LTBP3: variants seen among roughly 807,000 people sequenced by gnomAD.
The protein encoded by LTBP3 is latent-transforming growth factor beta-binding protein 3.
Under a neutral mutation model 159.7 loss-of-function variants are expected in LTBP3, and 97 were observed. The ratio of observed to expected loss-of-function variants is 0.61; its 90% CI spans 0.52 to 0.72. The LOEUF (loss-of-function observed/expected upper bound fraction) is 0.72, where lower values mean the gene tolerates loss of function less well. Among genes scored for constraint, LTBP3 ranks in the 30% least tolerant of loss-of-function variants. The pLI is 0.00. For synonymous variants in LTBP3, 824 were observed against 777.1 expected (o/e 1.06, Z -1.00); for missense variants, 1,584 against 1,864.3 (o/e 0.85, Z 2.77).
At chr11:65,540,682 C>T in intron 21 of LTBP3, 68 bp from the exon 22 acceptor site, 3 of 1,515,666 alleles carry the variant, frequency 2.0e-6, no homozygotes, top group South Asian at 1.2e-5. Context: ...GCTGGGCGCA[C>T]CACCGGAGCG....
chr11:65,553,894 G>C lies in LTBP3; in HGVS notation c.671C>G (p.Pro224Arg), dbSNP rs889173987. 1 of 1,547,652 alleles carries C rather than the reference G, an allele frequency of 6.5e-7. No individual in the cohort carries two copies. The highest frequency in any genetic ancestry group is 8.7e-7 in the Non-Finnish European group (1 of 1,152,290). Reference sequence around the variant, plus strand: ...GACGCGCACATTCACCACGGGGGGCGGGGCCTGCACTGGGGGCGGGCGCGG... The same window carrying C: ...GACGCGCACATTCACCACGGGGGGCCGGGCCTGCACTGGGGGCGGGCGCGG... ...PGQISAEVQA[P>R]PPVVNVRVHH... Residue 224 changes from proline to arginine, a missense_variant, in exon 3 of 28, where the codon CCG becomes CGG. Transcript: ENST00000301873. The surrounding 1 kb of genome is among the most constrained non-coding windows in gnomAD (Gnocchi z 6.5).
chr11:65,557,857 G>A lies in LTBP3; in HGVS notation c.103C>T (p.Leu35=). The change falls in exon 1 of 28, where the codon CTG becomes TTG. Residue 35 remains leucine, a synonymous_variant. Transcript: ENST00000301873. ...CCCTCGACCCTGCCGCCCAGGCCCA[G>A]CAGCAGCAGCAGCAGCAGCAGCAGC... ...ALLLLLLLLL[L]GLGGRVEGGP... The A allele has an allele frequency of 6.9e-6, 6 of 865,820 alleles. No homozygotes were observed. Among genetic ancestry groups the A allele is most frequent in the Non-Finnish European group, 8.9e-6 (6 of 673,554 alleles). The allele number at this position is 865,820 out of a possible 1,614,324, so 53.6% of individuals were successfully genotyped here.
In LTBP3 at chr11:65,552,740, G is replaced by T; in HGVS notation, c.1186+120C>A. Reference sequence around the variant, plus strand: ...ACCCTGCTGATCCCTGATCCTATTGGCTCTGGGCCTTGTTCCTCCTGCAGT... The same window carrying T: ...ACCCTGCTGATCCCTGATCCTATTGTCTCTGGGCCTTGTTCCTCCTGCAGT... On this transcript the variant is annotated intron_variant, in intron 6 of 27. Transcript: ENST00000301873. This position sits in a 1 kb window ranked among gnomAD's most constrained non-coding sequence, Gnocchi z 6.0. 3 of 1,439,810 alleles carry T rather than the reference G, an allele frequency of 2.1e-6. No individual in the cohort carries two copies. The highest frequency in any genetic ancestry group is 1.2e-5 in the South Asian group (1 of 85,396). 89.2% of individuals were successfully genotyped at this position (1,439,810 alleles called of 1,614,324 possible).
chr11:65,558,122 G>C lies in LTBP3; in HGVS notation c.-163C>G. On this transcript the variant is annotated 5_prime_UTR_variant, in exon 1 of 28. Coordinates refer to ENST00000301873, the MANE Select transcript of LTBP3 (RefSeq NM_001130144.3). ...GGGGACCGCGGGGGCCCGGCGGGAG[G>C]CGCGGAGATGCAGACTGGACAGCGG... 9.2e-7 allele frequency: 1 copy of C among 1,081,102 alleles called. No individual in the cohort carries two copies. Among genetic ancestry groups the C allele is most frequent in the Non-Finnish European group, 1.1e-6 (1 of 890,668 alleles). The allele number at this position is 1,081,102 out of a possible 1,614,324, so 67.0% of individuals were successfully genotyped here.
chr11:65,542,192 C>T (rs143950850), intron 18 of LTBP3, among the ~76,000 whole-genome samples: 5 of 152,170 alleles, frequency 3.3e-5, no homozygotes, highest in Non-Finnish European at 1.5e-5. Context: ...CTCCTACTTA[C>T]GTTTCAGTCC....
At position 65,551,383 on chromosome 11, in the gene LTBP3, C is replaced by T; in HGVS notation, c.1621+19G>A. 6.2e-7 allele frequency: 1 copy of T among 1,611,212 alleles called. No homozygotes were observed. The highest frequency in any genetic ancestry group is 8.5e-7 in the Non-Finnish European group (1 of 1,179,866). ...GTGATTTAGCCCTTGAGGACTCATC[C>T]CTACAGTGCCCAGCTCACCGGGGTA... On this transcript the variant is annotated intron_variant, in intron 10 of 27. Transcript: ENST00000301873.
rs909347358 is a variant in LTBP3 at position 65,547,056 on chromosome 11, C to G, written c.2108-136G>C. On this transcript the variant is annotated intron_variant, in intron 14 of 27. Transcript: ENST00000301873. This position sits in a 1 kb window ranked among gnomAD's most constrained non-coding sequence, Gnocchi z 4.6. Reference sequence around the variant, plus strand: ...CCCCAACCTCTGAGAGGCCCAGAGCCGAGCATACAGGCCGGGTGCGGTGGC... The same window carrying G: ...CCCCAACCTCTGAGAGGCCCAGAGCGGAGCATACAGGCCGGGTGCGGTGGC... 6 of 1,301,260 alleles carry G rather than the reference C, an allele frequency of 4.6e-6. No homozygotes were observed. The African/African-American group carries it at 8.8e-5, about 19-fold the overall frequency. 80.6% of individuals were successfully genotyped at this position (1,301,260 alleles called of 1,614,324 possible). A position where few individuals can be genotyped will look rare whatever the true frequency, so the allele number is the denominator to read the frequency against.
chr11:65,540,740 G>GGGGCCTACAGGGCA, intron 21 of LTBP3, 126 bp from the exon 22 acceptor site: 1 of 1,508,946 alleles, frequency 6.6e-7, no homozygotes, highest in Non-Finnish European at 9.1e-7. Flanking sequence ...CCTACAGGGC[G>GGGGCCTACAGGGCA]GGGCCTGCGA....
chr11:65,551,513 C>G lies in LTBP3; in HGVS notation c.1548+35G>C, dbSNP rs757912962. ...CAGCATGAGCCCTCCTGTCCCTCGC[C>G]TGCCCACCCCTCCCATCTGGGTTCT... On this transcript the variant is annotated intron_variant, in intron 9 of 27. Coordinates refer to ENST00000301873, the MANE Select transcript of LTBP3 (RefSeq NM_001130144.3). 1.1e-5 allele frequency: 18 copies of G among 1,614,088 alleles called. No homozygotes were observed. The South Asian group carries it at 1.8e-4, about 16-fold the overall frequency.
chr11:65,554,613 C>G lies in LTBP3; in HGVS notation c.332-233G>C, dbSNP rs1228020652. On this transcript the variant is annotated intron_variant, in intron 1 of 27. Transcript: ENST00000301873. This position sits in a 1 kb window ranked among gnomAD's most constrained non-coding sequence, Gnocchi z 5.3. The stretch of plus-strand genomic sequence containing the variant: ...TAAGCCATGTGCCAGCTGTGCGACC[C>G]TGAGCAACTCACGTCCCCTCCCTGT... 5.3e-5 allele frequency among the ~76,000 whole-genome samples: 8 copies of G among 152,064 alleles called. No individual in the cohort carries two copies. The East Asian group carries it at 1.3e-3, about 26-fold the overall frequency.
chr11:65,550,368 C>T (rs1048677594), intron 11 of LTBP3, among the ~76,000 whole-genome samples: 8 of 151,444 alleles, frequency 5.3e-5, no homozygotes, highest in Non-Finnish European at 7.4e-5. Context: ...GCCGAGATCG[C>T]GCCACTGCAC....
At position 65,557,616 on chromosome 11, in the gene LTBP3, C is replaced by T. The variant is rs543813285; in HGVS notation, c.331+13G>A. 1.2e-6 allele frequency: 2 copies of T among 1,607,972 alleles called. No individual in the cohort carries two copies. The highest frequency in any genetic ancestry group is 1.7e-5 in the Admixed American group (1 of 59,980). On this transcript the variant is annotated intron_variant, in intron 1 of 27. Coordinates refer to ENST00000301873, the MANE Select transcript of LTBP3 (RefSeq NM_001130144.3). ...GTCCTTCCCCTGCCCCCAGCCGTGC[C>T]CCCGGCCCTCACCCACGCGGAAGCC...
At position 65,539,815 on chromosome 11, in the gene LTBP3, G is replaced by A. The variant is rs1425317525; in HGVS notation, c.3452C>T (p.Pro1151Leu). 1 of 1,533,286 alleles carries A rather than the reference G, an allele frequency of 6.5e-7. No homozygotes were observed. Among genetic ancestry groups the A allele is most frequent in the South Asian group, 1.2e-5 (1 of 83,628 alleles). 95.0% of individuals were successfully genotyped at this position (1,533,286 alleles called of 1,614,324 possible). ...QRGEDGMCAG[P>L]LAGPALTFDD... ...GAAGGTGAGGGCAGGCCCGGCCAGGGGGCCAGCGCACATGCCGTCCTCTCC... is the reference window on the plus strand; with the variant it reads ...GAAGGTGAGGGCAGGCCCGGCCAGGAGGCCAGCGCACATGCCGTCCTCTCC... The change falls in exon 25 of 28, where the codon CCC becomes CTC. Residue 1151 changes from proline (P) to leucine (L), a missense_variant. This residue lies in a region of LTBP3 where 514 missense variants were observed against 530.3 expected (regional missense o/e 0.97). Coordinates refer to ENST00000301873, the MANE Select transcript of LTBP3 (RefSeq NM_001130144.3).
intron 1 of LTBP3, among the ~76,000 whole-genome samples, chr11:65,557,187 T>C (rs550283752): frequency 8.5e-5 from 13 of 152,232 alleles, no homozygotes; most frequent in African/African-American, 3.1e-4. Context: ...AATGCAGGTG[T>C]CTACTCTGGC....
Position 65,552,914 on chromosome 11 carries a change from G to C in LTBP3, c.1132C>G (p.Arg378Gly). ...CTATGGCCAGGTGGGCAGACACAGC[G>C]ATAGGAGCCAGGGTTGTTGAGGCAG... ...GDCLNNPGSYRCVCPPGHSLG... is the reference protein window; with the variant it reads ...GDCLNNPGSYGCVCPPGHSLG... Residue 378 changes from arginine to glycine, a missense_variant, in exon 6 of 28, where the codon CGC (arginine) becomes GGC (glycine). Arg to Gly is a moderately radical substitution (Grantham distance 125). Coordinates refer to ENST00000301873, the MANE Select transcript of LTBP3 (RefSeq NM_001130144.3). The surrounding 1 kb of genome is among the most constrained non-coding windows in gnomAD (Gnocchi z 6.0). The C allele has an allele frequency of 1.9e-6, 3 of 1,614,232 alleles. No homozygotes were observed. The South Asian group carries it at 3.3e-5, about 18-fold the overall frequency.
Position 65,538,915 on chromosome 11 carries a change from G to A in LTBP3, c.*165C>T. On this transcript the variant is annotated 3_prime_UTR_variant, in exon 28 of 28. Transcript: ENST00000301873. ...AGACCTTACAACCGCCCGCTAACCGGGGAGGGGGGCCGGTAGGGGCGCCTC... is the reference window on the plus strand; with the variant it reads ...AGACCTTACAACCGCCCGCTAACCGAGGAGGGGGGCCGGTAGGGGCGCCTC... The A allele has an allele frequency of 7.9e-7, 1 of 1,267,010 alleles. No individual in the cohort carries two copies. The highest frequency in any genetic ancestry group is 2.1e-5 in the South Asian group (1 of 47,646). 78.5% of individuals were successfully genotyped at this position (1,267,010 alleles called of 1,614,324 possible).
chr11:65,554,453 C>G lies in LTBP3; in HGVS notation c.332-73G>C, dbSNP rs1025810885. On this transcript the variant is annotated intron_variant, in intron 1 of 27. Transcript: ENST00000301873. The surrounding 1 kb of genome is among the most constrained non-coding windows in gnomAD (Gnocchi z 5.3). Reference sequence around the variant, plus strand: ...CCCCTCCTCCCTACTTCCTTGCCACCCACTGGCTCTGTCCTCTTGGGAAGC... The same window carrying G: ...CCCCTCCTCCCTACTTCCTTGCCACGCACTGGCTCTGTCCTCTTGGGAAGC... The G allele has an allele frequency of 2.3e-6, 3 of 1,290,014 alleles. No homozygotes were observed. In the African/African-American group the frequency reaches 4.4e-5, roughly 19 times the overall value. 79.9% of individuals were successfully genotyped at this position (1,290,014 alleles called of 1,614,324 possible).
At chr11:65,544,074 C>T (rs1382161000) in intron 16 of LTBP3, 1 of 184,040 alleles carries the variant, frequency 5.4e-6, no homozygotes, top group Non-Finnish European at 1.2e-5. Context: ...CTTCCTCATT[C>T]CTCCTGCTCT....
rs1856881827 is a variant in LTBP3, at chr11:65,558,209, A to T, written c.-250T>A. On this transcript the variant is annotated 5_prime_UTR_variant, in exon 1 of 28. Transcript: ENST00000301873. ...AGACCAGGCCCCGAACTCAGGCAGG[A>T]GCGAGGAGGCCGGAGCAAGTTGAGG... The T allele has an allele frequency of 8.5e-6, 9 of 1,054,272 alleles. No individual in the cohort carries two copies. Among genetic ancestry groups the T allele is most frequent in the Non-Finnish European group, 1.0e-5 (9 of 873,018 alleles). The allele number at this position is 1,054,272 out of a possible 1,614,324, so 65.3% of individuals were successfully genotyped here. A position where few individuals can be genotyped will look rare whatever the true frequency, so the allele number is the denominator to read the frequency against.
Sources: allele counts gnomAD v4.1 joint callset (sites outside exome capture counted in the v4.1 genomes callset), GRCh38; gene constraint gnomAD v4.1.1; regional missense constraint gnomAD v4.1.1; non-coding constraint Gnocchi (gnomAD v3.1); transcripts MANE v1.5; gene names NCBI Gene and HGNC (gene_info 2026-07-23, HGNC 2026-07-21).